The following ADAMTS17 variants were observed in gnomAD, a reference collection of about 807,000 sequenced individuals.
The protein encoded by ADAMTS17 is ADAM metallopeptidase with thrombospondin type 1 motif 17.
A neutral mutation model predicts 141.5 loss-of-function variants in ADAMTS17; 113 were observed. The observed-to-expected ratio is 0.80, with a 90% confidence interval of 0.69 to 0.93. The LOEUF (loss-of-function observed/expected upper bound fraction) is 0.93. Ranked by LOEUF, ADAMTS17 falls within the 40% of genes least tolerant of loss-of-function variation. The pLI is 0.00. For synonymous variants in ADAMTS17, 768 were observed against 630.6 expected, an observed-to-expected ratio of 1.22 and a Z score of -3.27; for missense variants, 1,659 against 1,517.9, an observed-to-expected ratio of 1.09 and a Z score of -1.54.
intron 8 of ADAMTS17, among the ~76,000 whole-genome samples, chr15:100,163,457 G>A (rs1394918403): frequency 6.6e-6 from 1 of 152,108 alleles, no homozygotes; most frequent in Non-Finnish European, 1.5e-5. Context: ...TGGGCAGGAG[G>A]TGTGGAGTCT....
chr15:100,299,668 G>C (rs930538453), intron 3 of ADAMTS17, among the ~76,000 whole-genome samples: 6 of 152,174 alleles, frequency 3.9e-5, no homozygotes, highest in African/African-American at 1.4e-4. Flanking sequence ...CGGGATCCTG[G>C]GAATGGTTTC....
chr15:99,998,221 C>T lies in ADAMTS17; in HGVS notation c.2592-632G>A, dbSNP rs141502582. 3.2e-3 allele frequency among the ~76,000 whole-genome samples: 487 copies of T among 152,308 alleles called. 2 individuals carry two copies. The highest frequency in any genetic ancestry group is 0.01 in the African/African-American group (428 of 41,566). On this transcript the variant is annotated intron_variant, in intron 18 of 21. Transcript: ENST00000268070. ...CCTGCTTTCCAGAGCCTGGGCCCTCCGGAGATGGCTGTGGTGCCTGAGAGT... is the reference window on the plus strand; with the variant it reads ...CCTGCTTTCCAGAGCCTGGGCCCTCTGGAGATGGCTGTGGTGCCTGAGAGT...
In ADAMTS17 at chr15:100,152,719, G is replaced by A. The variant is rs1399580727; in HGVS notation, c.1366C>T (p.Gln456Ter). 6.2e-7 allele frequency: 1 copy of A among 1,614,132 alleles called. No individual in the cohort carries two copies. The highest frequency in any genetic ancestry group is 2.2e-5 in the East Asian group (1 of 44,896). The change falls in exon 10 of 22, where the codon CAG (glutamine) becomes TAG (stop). Residue 456 changes from glutamine (Q) to a stop codon, truncating the protein, a stop_gained. Transcript: ENST00000268070. LOFTEE classifies it high-confidence loss of function. The stretch of plus-strand genomic sequence containing the variant: ...TTGTGCGGGAGGCGTACTGTGTGCT[G>A]GCTTCTGGGGTCCGTGACTAGCAAG... ...TCLLVTDPRS[Q>*]HTVRLPHKLP...
intron 8 of ADAMTS17, among the ~76,000 whole-genome samples, chr15:100,178,340 T>C (rs1459624408): frequency 6.6e-6 from 1 of 152,190 alleles, no homozygotes; most frequent in Non-Finnish European, 1.5e-5. Flanking sequence ...GTGGTTCTTC[T>C]AGGTATTGCC....
chr15:100,193,738 G>T lies in ADAMTS17; in HGVS notation c.1181+5580C>A, dbSNP rs555330896. On this transcript the variant is annotated intron_variant, in intron 8 of 21. Coordinates refer to ENST00000268070, the MANE Select transcript of ADAMTS17 (RefSeq NM_139057.4). ...CAAGCTCCCAGCTTGTGTCAAGACA[G>T]TGTTTTCCAGAGGCCACGGGCTGAG... is the stretch of plus-strand genomic sequence containing the variant. Among the ~76,000 whole-genome samples the T allele has an allele frequency of 1.1e-4, 17 of 152,362 alleles. No homozygotes were observed. The South Asian group carries it at 3.5e-3, about 32-fold the overall frequency.
At chr15:100,230,257 T>A (rs2141842378) in intron 7 of ADAMTS17, among the ~76,000 whole-genome samples, 1 of 152,368 alleles carries the variant, frequency 6.6e-6, no homozygotes, top group South Asian at 2.1e-4. Context: ...GACCCCTATC[T>A]TTGTGGTACC....
intron 10 of ADAMTS17, among the ~76,000 whole-genome samples, chr15:100,145,949 G>C (rs1469254127): frequency 6.6e-6 from 1 of 152,226 alleles, no homozygotes; most frequent in African/African-American, 2.4e-5. Flanking sequence ...AAGGCAGGGG[G>C]ATCACTTGAG....
intron 10 of ADAMTS17, among the ~76,000 whole-genome samples, chr15:100,140,440 G>A (rs1437445456): frequency 7.0e-6 from 1 of 143,550 alleles, no homozygotes. Context: ...CACTAGTCCT[G>A]ACTAACTCCA....
chr15:100,329,425 C>T (rs1453486795), intron 3 of ADAMTS17, among the ~76,000 whole-genome samples: 7 of 151,820 alleles, frequency 4.6e-5, no homozygotes. Context: ...GTCCCAGCTA[C>T]TCAGGAGCGA....
At chr15:100,268,779 T>C (rs1002755486) in intron 4 of ADAMTS17, among the ~76,000 whole-genome samples, 1 of 152,212 alleles carries the variant, frequency 6.6e-6, no homozygotes, top group East Asian at 1.9e-4. Context: ...GAAAAAACTA[T>C]TCTAAACTTC....
chr15:100,267,164 C>A (rs2043744955), intron 4 of ADAMTS17, among the ~76,000 whole-genome samples: 1 of 152,158 alleles, frequency 6.6e-6, no homozygotes. Context: ...CACTGCCCCC[C>A]ACCCAACCCC....
chr15:100,175,051 A>T (rs1261013227), intron 8 of ADAMTS17, among the ~76,000 whole-genome samples: 1 of 152,196 alleles, frequency 6.6e-6, no homozygotes, highest in Non-Finnish European at 1.5e-5. Context: ...AGCATCTCCC[A>T]GTCCTGCCCG....
intron 18 of ADAMTS17, among the ~76,000 whole-genome samples, chr15:100,026,678 C>T (rs2061520751): frequency 6.6e-6 from 1 of 152,234 alleles, no homozygotes; most frequent in South Asian, 2.1e-4. Flanking sequence ...TCTTGTCTTG[C>T]TGCTGCCCGA....
At chr15:100,163,241 A>G (rs936003728) in intron 8 of ADAMTS17, among the ~76,000 whole-genome samples, 7 of 152,146 alleles carry the variant, frequency 4.6e-5, no homozygotes, top group Middle Eastern at 3.4e-3. Context: ...GAGACAGATA[A>G]AGAGAGACAG....
chr15:100,004,367 C>T (rs1482404529), intron 18 of ADAMTS17, among the ~76,000 whole-genome samples: 2 of 152,082 alleles, frequency 1.3e-5, no homozygotes, highest in African/African-American at 4.8e-5. Context: ...TTTCACCCAA[C>T]CCCCCCTGGC....
At chr15:100,175,661 G>C (rs1167670086) in intron 8 of ADAMTS17, among the ~76,000 whole-genome samples, 1 of 151,888 alleles carries the variant, frequency 6.6e-6, no homozygotes, top group African/African-American at 2.4e-5. Context: ...TTTGTCTCTT[G>C]GTTCTCAGTC....
intron 4 of ADAMTS17, among the ~76,000 whole-genome samples, chr15:100,270,389 A>G (rs5011256): frequency 0.64 from 97,461 of 152,054 alleles, 31,669 homozygotes; most frequent in East Asian, 0.83. Context: ...TGTAGGAAGT[A>G]TAAGTGTATT....
At chr15:100,200,890 C>G (rs2041305367) in intron 7 of ADAMTS17, among the ~76,000 whole-genome samples, 1 of 151,994 alleles carries the variant, frequency 6.6e-6, no homozygotes, top group Admixed American at 6.5e-5. Context: ...GTCCCTCTGT[C>G]GAGCTGCACC....
chr15:100,046,344 C>T (rs1248132579), intron 18 of ADAMTS17, among the ~76,000 whole-genome samples: 1 of 152,148 alleles, frequency 6.6e-6, no homozygotes, highest in Non-Finnish European at 1.5e-5. Flanking sequence ...CCAGGGCGTA[C>T]TGTGAGAGGT....
Sources: allele counts gnomAD v4.1 joint callset (sites outside exome capture counted in the v4.1 genomes callset), GRCh38; gene constraint gnomAD v4.1.1; transcripts MANE v1.5; gene names NCBI Gene and HGNC (gene_info 2026-07-23, HGNC 2026-07-21).